The following CADM2 variants were observed in gnomAD, a reference collection of about 807,000 sequenced individuals.
CADM2 encodes the protein cell adhesion molecule 2, also known as immunoglobulin superfamily member 4D.
Under a neutral mutation model 49.8 loss-of-function variants are expected in CADM2, and 12 were observed. The ratio of observed to expected loss-of-function variants is 0.24; its 90% CI spans 0.15 to 0.39. The LOEUF is 0.39. Ranked by LOEUF, CADM2 falls within the 10% of genes least tolerant of loss-of-function variation. CADM2 has a pLI of 1.00. For synonymous variants in CADM2, 214 were observed against 175.4 expected (o/e 1.22, Z -1.74); for missense variants, 378 against 492.3 (o/e 0.77, Z 2.20).
At chr3:85,273,741 T>C (rs2043297690) in intron 1 of CADM2, among the ~76,000 whole-genome samples, 1 of 133,654 alleles carries the variant, frequency 7.5e-6, no homozygotes, top group South Asian at 2.1e-4. Flanking sequence ...GATGGAAATG[T>C]TAAATAAACT....
rs143792479 is a variant in CADM2, at chr3:85,235,398, G to A, written c.61+275730G>A. Among the ~76,000 whole-genome samples the A allele has an allele frequency of 3.2e-4, 48 of 151,908 alleles. No individual in the cohort carries two copies. In the South Asian group the frequency reaches 4.8e-3, roughly 15 times the overall value. ...ATACTTATTACTTATGAATTATATCGGAATGGAATATATATTAGTATAAAC... is the reference window on the plus strand; with the variant it reads ...ATACTTATTACTTATGAATTATATCAGAATGGAATATATATTAGTATAAAC... On this transcript the variant is annotated intron_variant, in intron 1 of 9. Coordinates refer to ENST00000383699, the MANE Select transcript of CADM2 (RefSeq NM_001167675.2).
chr3:85,108,339 T>C (rs1250746745), intron 1 of CADM2, among the ~76,000 whole-genome samples: 2 of 152,216 alleles, frequency 1.3e-5, no homozygotes, highest in African/African-American at 2.4e-5. Context: ...AAATGTGGTG[T>C]ATGCATATAA....
At chr3:85,986,239 A>C (rs1336142658) in intron 8 of CADM2, among the ~76,000 whole-genome samples, 1 of 152,052 alleles carries the variant, frequency 6.6e-6, no homozygotes, top group Non-Finnish European at 1.5e-5. Flanking sequence ...GAATACAAAG[A>C]AATAAAGAAA....
chr3:85,920,576 T>C (rs944184098), intron 6 of CADM2, among the ~76,000 whole-genome samples: 11 of 151,788 alleles, frequency 7.2e-5, no homozygotes, highest in African/African-American at 2.4e-4. Flanking sequence ...TTAATTTTTT[T>C]CAGAGAAGTT....
chr3:85,279,366 C>T (rs2106880759), intron 1 of CADM2, among the ~76,000 whole-genome samples: 1 of 151,504 alleles, frequency 6.6e-6, no homozygotes, highest in East Asian at 1.9e-4. Flanking sequence ...GAAAACATTT[C>T]TTGAAAATGC....
intron 1 of CADM2, among the ~76,000 whole-genome samples, chr3:85,041,447 G>C (rs1303271869): frequency 6.6e-6 from 1 of 152,154 alleles, no homozygotes; most frequent in Non-Finnish European, 1.5e-5. Context: ...ACGGAAGTGG[G>C]AGTCCGAAGA....
intron 1 of CADM2, among the ~76,000 whole-genome samples, chr3:85,403,344 A>ATGTT (rs2107446066): frequency 6.6e-6 from 1 of 152,242 alleles, no homozygotes; most frequent in Admixed American, 6.5e-5. Context: ...GCATCCTCAC[A>ATGTT]TGTTAGTGTT....
chr3:85,649,299 A>G (rs966131285), intron 1 of CADM2, among the ~76,000 whole-genome samples: 1 of 141,306 alleles, frequency 7.1e-6, no homozygotes, highest in Non-Finnish European at 1.7e-5. Context: ...GTCAATAACT[A>G]TATATACTTA....
At chr3:85,714,143 A>G (rs1476731677) in intron 1 of CADM2, among the ~76,000 whole-genome samples, 1 of 152,210 alleles carries the variant, frequency 6.6e-6, no homozygotes, top group African/African-American at 2.4e-5. Context: ...AGGTTATTTG[A>G]AACCACACTG....
At chr3:85,457,117 GA>G (rs2038026283) in intron 1 of CADM2, among the ~76,000 whole-genome samples, 1 of 151,980 alleles carries the variant, frequency 6.6e-6, no homozygotes, top group Non-Finnish European at 1.5e-5. Flanking sequence ...GAAGAAAAAA[GA>G]AAAGCAAAGA....
chr3:85,119,917 A>G (rs2038790923), intron 1 of CADM2, among the ~76,000 whole-genome samples: 1 of 152,174 alleles, frequency 6.6e-6, no homozygotes, highest in African/African-American at 2.4e-5. Context: ...GAATGGGAGA[A>G]AATTTTTGCA....
chr3:85,828,314 A>G (rs1839172), intron 3 of CADM2, among the ~76,000 whole-genome samples: 6,747 of 151,984 alleles, frequency 0.044, 511 homozygotes, highest in African/African-American at 0.15. Context: ...GGCTCATAGG[A>G]AAGGTAAGCA....
At chr3:85,202,660 C>T (rs188797358) in intron 1 of CADM2, among the ~76,000 whole-genome samples, 3 of 152,208 alleles carry the variant, frequency 2.0e-5, no homozygotes, top group African/African-American at 7.2e-5. Context: ...GTATTGACTT[C>T]CACTTAAAGT....
rs1553733454 is a variant in CADM2 at position 86,067,644 on chromosome 3, A to T, written c.*861A>T. 1 of 152,496 alleles carries T rather than the reference A, an allele frequency of 6.6e-6. No individual in the cohort carries two copies. Among genetic ancestry groups the T allele is most frequent in the Non-Finnish European group, 1.5e-5 (1 of 67,932 alleles). The allele number at this position is 152,496 out of a possible 1,614,324, so 9.4% of individuals were successfully genotyped here. A position where few individuals can be genotyped will look rare whatever the true frequency, so the allele number is the denominator to read the frequency against. ...TATCCATAGGGCACAATTTTCAGAC[A>T]TTTTAGTATCTGTATATAGTGCATA... On this transcript the variant is annotated 3_prime_UTR_variant, in exon 10 of 10. Coordinates refer to ENST00000383699, the MANE Select transcript of CADM2 (RefSeq NM_001167675.2).
At chr3:85,144,576 C>T (rs1378670556) in intron 1 of CADM2, among the ~76,000 whole-genome samples, 3 of 149,224 alleles carry the variant, frequency 2.0e-5, no homozygotes, top group Non-Finnish European at 4.4e-5. Flanking sequence ...CGCACCACTG[C>T]ACTCCTGCCT....
At chr3:85,045,865 A>T (rs573137586) in intron 1 of CADM2, among the ~76,000 whole-genome samples, 1 of 152,120 alleles carries the variant, frequency 6.6e-6, no homozygotes, top group Non-Finnish European at 1.5e-5. Context: ...TAAAAAACAC[A>T]TTCCATATTC....
At chr3:85,588,581 G>A (rs1384738985) in intron 1 of CADM2, among the ~76,000 whole-genome samples, 2 of 152,212 alleles carry the variant, frequency 1.3e-5, no homozygotes, top group East Asian at 1.9e-4. Context: ...TAAGCAATCT[G>A]CTGCAAAATT....
chr3:85,219,656 G>T (rs979490155), intron 1 of CADM2, among the ~76,000 whole-genome samples: 2 of 152,008 alleles, frequency 1.3e-5, no homozygotes, highest in African/African-American at 4.8e-5. Flanking sequence ...AATAAAATTG[G>T]TTATATGCTA....
rs571745017 is a variant in CADM2 at position 85,265,370 on chromosome 3, A to G, written c.61+305702A>G. On this transcript the variant is annotated intron_variant, in intron 1 of 9. Transcript: ENST00000383699. ...CAAAGAGTAATTTATAAAAGATTAA[A>G]GTTTATTTGGCTTATGGTTCTAGAG... Among the ~76,000 whole-genome samples, 8 of 152,090 alleles carry G rather than the reference A, an allele frequency of 5.3e-5. No individual in the cohort carries two copies. In the East Asian group the frequency reaches 7.7e-4, roughly 15 times the overall value.
Sources: allele counts gnomAD v4.1 joint callset (sites outside exome capture counted in the v4.1 genomes callset), GRCh38; gene constraint gnomAD v4.1.1; transcripts MANE v1.5; gene names NCBI Gene and HGNC (gene_info 2026-07-23, HGNC 2026-07-21).